The following UNC50 variants were observed in gnomAD, a reference collection of about 807,000 sequenced individuals.
The protein encoded by UNC50 is unc-50 inner nuclear membrane RNA binding protein.
A neutral mutation model predicts 31.5 loss-of-function variants in UNC50; 24 were observed. That is an observed-to-expected ratio of 0.76 (90% CI 0.55 to 1.07). The LOEUF (loss-of-function observed/expected upper bound fraction) is 1.07. Among genes scored for constraint, UNC50 ranks in the 50% least tolerant of loss-of-function variants. The pLI is 0.00. For missense variants in UNC50, 245 were observed against 304.2 expected, an observed-to-expected ratio of 0.81 and a Z score of 1.45; for synonymous variants, 118 against 114.7, an observed-to-expected ratio of 1.03 and a Z score of -0.18.
intron 5 of UNC50, 24 bp from the exon 6 acceptor site, chr2:98,618,144 A>G: frequency 6.8e-7 from 1 of 1,460,108 alleles, no homozygotes. Flanking sequence ...TTTTTAAATC[A>G]GTTTGGATTC....
chr2:98,610,300 G>A (rs1700804198), intron 2 of UNC50, among the ~76,000 whole-genome samples: 1 of 152,142 alleles, frequency 6.6e-6, no homozygotes, highest in Admixed American at 6.5e-5. Flanking sequence ...ACTTGAATCG[G>A]TACCCAAATG....
intron 3 of UNC50, among the ~76,000 whole-genome samples, chr2:98,615,962 A>G (rs779022062): frequency 6.6e-6 from 1 of 152,100 alleles, no homozygotes; most frequent in African/African-American, 2.4e-5. Flanking sequence ...TATGACCCTC[A>G]TATGTACAAT....
intron 4 of UNC50, 34 bp downstream of exon 4, chr2:98,616,380 C>G: frequency 6.2e-7 from 1 of 1,613,772 alleles, no homozygotes; most frequent in Non-Finnish European, 8.5e-7. Context: ...TTATCCAAGT[C>G]TTCATTGCAT....
At chr2:98,610,975 T>C in intron 3 of UNC50, 80 bp downstream of exon 3, 1 of 1,475,694 alleles carries the variant, frequency 6.8e-7, no homozygotes, top group African/African-American at 1.4e-5. Flanking sequence ...TAGCAGCAGA[T>C]GGAAATTGAA....
In UNC50 at chr2:98,618,320, T is replaced by G. The variant is rs1700972705; in HGVS notation, c.*16T>G. The G allele has an allele frequency of 1.3e-6, 2 of 1,587,420 alleles. No individual in the cohort carries two copies. Among genetic ancestry groups the G allele is most frequent in the South Asian group, 1.2e-5 (1 of 85,640 alleles). On this transcript the variant is annotated 3_prime_UTR_variant, in exon 6 of 6. Transcript: ENST00000357765. ...AGTGAAATAAAAAGTGAGAAGAAGA[T>G]TCAATCGTAACTGTGTCAACAGTAT...
At chr2:98,614,270 G>T (rs2104182266) in intron 3 of UNC50, among the ~76,000 whole-genome samples, 1 of 152,322 alleles carries the variant, frequency 6.6e-6, no homozygotes, top group Non-Finnish European at 1.5e-5. Context: ...GTGGTGATAG[G>T]AATAGAGAGG....
Position 98,618,420 on chromosome 2 carries a change from G to A in UNC50, c.*116G>A. 3.5e-6 allele frequency: 4 copies of A among 1,155,680 alleles called. No homozygotes were observed. Among genetic ancestry groups the A allele is most frequent in the Non-Finnish European group, 4.5e-6 (4 of 880,986 alleles). The allele number at this position is 1,155,680 out of a possible 1,614,324, so 71.6% of individuals were successfully genotyped here. A position where few individuals can be genotyped will look rare whatever the true frequency, so the allele number is the denominator to read the frequency against. Reference sequence around the variant, plus strand: ...TAGATATCTTAAAGGTGTAAAGTTTGCAAATTTGAAGAAATATATATTAAC... The same window carrying A: ...TAGATATCTTAAAGGTGTAAAGTTTACAAATTTGAAGAAATATATATTAAC... On this transcript the variant is annotated 3_prime_UTR_variant, in exon 6 of 6. Coordinates refer to ENST00000357765, the MANE Select transcript of UNC50 (RefSeq NM_014044.7).
chr2:98,618,024 G>T (rs1021634157), intron 5 of UNC50, 144 bp from the exon 6 acceptor site: 1 of 873,350 alleles, frequency 1.1e-6, no homozygotes, highest in Admixed American at 3.0e-5. Context: ...CTAGTTCTGG[G>T]CATAAATAGC....
At chr2:98,613,684 A>G (rs1700875706) in intron 3 of UNC50, among the ~76,000 whole-genome samples, 1 of 152,368 alleles carries the variant, frequency 6.6e-6, no homozygotes. Flanking sequence ...TTTTGGGGAC[A>G]CAGCCAAACA....
intron 3 of UNC50, among the ~76,000 whole-genome samples, chr2:98,615,332 C>T (rs1043784012): frequency 2.6e-5 from 4 of 152,160 alleles, no homozygotes; most frequent in African/African-American, 9.7e-5. Flanking sequence ...ACATTGTATA[C>T]AACTTCTTAC....
chr2:98,613,698 T>C (rs916661320), intron 3 of UNC50, among the ~76,000 whole-genome samples: 1 of 152,178 alleles, frequency 6.6e-6, no homozygotes, highest in African/African-American at 2.4e-5. Context: ...CCAAACAATA[T>C]CAGGCACAGA....
Position 98,609,936 on chromosome 2 carries a change from C to G in UNC50, c.177C>G (p.Ser59=), listed in dbSNP as rs1700797259. Residue 59 remains serine, a synonymous_variant, in exon 2 of 6, where the codon TCC becomes TCG. Coordinates refer to ENST00000357765, the MANE Select transcript of UNC50 (RefSeq NM_014044.7). ...AAWQMLYLFT[S]PQRVYRNFHY... ...GGCAGATGCTCTACCTGTTCACATCCCCACAGAGAGTTTACAGAAATTTTC... is the reference window on the plus strand; with the variant it reads ...GGCAGATGCTCTACCTGTTCACATCGCCACAGAGAGTTTACAGAAATTTTC... The G allele has an allele frequency of 6.2e-7, 1 of 1,614,162 alleles. No individual in the cohort carries two copies. The highest frequency in any genetic ancestry group is 1.3e-5 in the African/African-American group (1 of 75,030).
intron 3 of UNC50, among the ~76,000 whole-genome samples, chr2:98,615,709 G>A (rs1384811191): frequency 6.6e-6 from 1 of 152,148 alleles, no homozygotes; most frequent in Non-Finnish European, 1.5e-5. Flanking sequence ...AGGCATTTAA[G>A]TCAAATACTT....
At chr2:98,618,126 T>TTA (rs1553534038) in intron 5 of UNC50, 42 bp from the exon 6 acceptor site, 1 of 1,461,986 alleles carries the variant, frequency 6.8e-7, no homozygotes. Context: ...GTCATTTATT[T>TTA]TTTTTTTTTT....
chr2:98,608,631 G>A lies in UNC50; in HGVS notation c.-100G>A, dbSNP rs1301394785. The A allele has an allele frequency of 8.6e-6, 5 of 581,602 alleles. No homozygotes were observed. The highest frequency in any genetic ancestry group is 9.2e-6 in the Non-Finnish European group (3 of 327,706). 36.0% of individuals were successfully genotyped at this position (581,602 alleles called of 1,614,324 possible). On this transcript the variant is annotated 5_prime_UTR_variant, in exon 1 of 6. Coordinates refer to ENST00000357765, the MANE Select transcript of UNC50 (RefSeq NM_014044.7). ...GCGCCCCAAGGGCCGGCTCCGTTGA[G>A]GGAAGGGAAGCCCGCCCGGTGGCGG... is the stretch of plus-strand genomic sequence containing the variant.
At position 98,616,460 on chromosome 2, in the gene UNC50, A is replaced by G. The variant is rs1434775859; in HGVS notation, c.570A>G (p.Gly190=). The change falls in exon 5 of 6, where the codon GGA becomes GGG. Residue 190 remains glycine, a synonymous_variant. Transcript: ENST00000357765. ...TTATCCTGACAGACACATTTATTGG[A>G]TATTTAGTTGGAAATACCTTATGGT... The part of the protein sequence containing the change: ...NHVILTDTFI[G]YLVGNTLWLV... 6.2e-7 allele frequency: 1 copy of G among 1,614,020 alleles called. No individual in the cohort carries two copies. Among genetic ancestry groups the G allele is most frequent in the Non-Finnish European group, 8.5e-7 (1 of 1,179,964 alleles).
chr2:98,613,813 G>A (rs1559148560), intron 3 of UNC50, among the ~76,000 whole-genome samples: 1 of 152,252 alleles, frequency 6.6e-6, no homozygotes, highest in South Asian at 2.1e-4. Context: ...CCTATGTTGT[G>A]TGAGGAACTA....
intron 5 of UNC50, among the ~76,000 whole-genome samples, chr2:98,617,466 A>AG (rs1177368068): frequency 1.3e-5 from 2 of 152,212 alleles, no homozygotes; most frequent in African/African-American, 4.8e-5. Flanking sequence ...AGAACACTGC[A>AG]GCACTGTGGT....
At chr2:98,615,689 G>C (rs527800369) in intron 3 of UNC50, among the ~76,000 whole-genome samples, 56 of 152,154 alleles carry the variant, frequency 3.7e-4, no homozygotes, top group Non-Finnish European at 6.8e-4. Flanking sequence ...CCACCAGGGA[G>C]GCTCTGTCAA....
Sources: allele counts gnomAD v4.1 joint callset (sites outside exome capture counted in the v4.1 genomes callset), GRCh38; gene constraint gnomAD v4.1.1; transcripts MANE v1.5; gene names NCBI Gene and HGNC (gene_info 2026-07-23, HGNC 2026-07-21).